Variants in C8orf34 observed in about 807,000 individuals in gnomAD.
C8orf34 encodes uncharacterized protein C8orf34.
Under a neutral mutation model 68.3 loss-of-function variants are expected in C8orf34, and 65 were observed. The ratio of observed to expected loss-of-function variants is 0.95; its 90% CI spans 0.78 to 1.17. C8orf34 has a LOEUF of 1.17. Among genes scored for constraint, C8orf34 ranks in the 50% most tolerant of loss-of-function variants. C8orf34 has a pLI of 0.00. For synonymous variants in C8orf34, 244 were observed against 241.2 expected (o/e 1.01, Z -0.11); for missense variants, 664 against 655.4 (o/e 1.01, Z -0.14).
chr8:68,407,267 T>G (rs1198442163), intron 1 of C8orf34, among the ~76,000 whole-genome samples: 2 of 151,926 alleles, frequency 1.3e-5, no homozygotes, highest in Admixed American at 1.3e-4. Context: ...TCAAGTAGAA[T>G]GTAAGGGAGA....
chr8:68,774,046 C>A (rs1223505902), intron 10 of C8orf34, among the ~76,000 whole-genome samples: 1 of 152,122 alleles, frequency 6.6e-6, no homozygotes, highest in African/African-American at 2.4e-5. Context: ...TCACTGTTAA[C>A]CCTCAAATGT....
At chr8:68,595,410 T>A (rs77893942) in intron 7 of C8orf34, among the ~76,000 whole-genome samples, 3,004 of 152,224 alleles carry the variant, frequency 0.02, 36 homozygotes, top group Non-Finnish European at 0.03. Context: ...TCTTCAAAAA[T>A]ATGTAAATAT....
At position 68,683,978 on chromosome 8, in the gene C8orf34, T is replaced by G. The variant is rs542809131; in HGVS notation, c.1242-25016T>G. ...AACTCTTCTCAAGATAGGCTCATGT[T>G]TTTAAACAGATTTTAAAACAAAAAA... On this transcript the variant is annotated intron_variant, in intron 8 of 13. Transcript: ENST00000518698. Among the ~76,000 whole-genome samples, 3 of 152,284 alleles carry G rather than the reference T, an allele frequency of 2.0e-5. No homozygotes were observed. The East Asian group carries it at 5.8e-4, about 29-fold the overall frequency.
At chr8:68,586,820 C>T (rs1817223247) in intron 7 of C8orf34, among the ~76,000 whole-genome samples, 1 of 152,070 alleles carries the variant, frequency 6.6e-6, no homozygotes, top group African/African-American at 2.4e-5. Context: ...AACATGCCAC[C>T]TAGATCAGGA....
At chr8:68,635,185 T>C (rs1010151479) in intron 7 of C8orf34, among the ~76,000 whole-genome samples, 2 of 152,232 alleles carry the variant, frequency 1.3e-5, no homozygotes, top group African/African-American at 4.8e-5. Flanking sequence ...TCATGTCTTA[T>C]TACCTTCTTT....
intron 4 of C8orf34, among the ~76,000 whole-genome samples, chr8:68,486,849 A>C (rs1813099333): frequency 6.6e-6 from 1 of 151,676 alleles, no homozygotes. Flanking sequence ...TCCTATTCTT[A>C]TTTTCTCCAA....
At chr8:68,668,693 C>G (rs528112845) in intron 8 of C8orf34, among the ~76,000 whole-genome samples, 3 of 152,222 alleles carry the variant, frequency 2.0e-5, no homozygotes, top group African/African-American at 7.2e-5. Context: ...TCCTAATGAG[C>G]CAGACTGAAT....
At chr8:68,613,383 G>A (rs1360145842) in intron 7 of C8orf34, among the ~76,000 whole-genome samples, 1 of 151,954 alleles carries the variant, frequency 6.6e-6, no homozygotes. Context: ...ATGCTGGTGT[G>A]TTGCACCAAT....
intron 3 of C8orf34, among the ~76,000 whole-genome samples, chr8:68,466,141 C>T (rs1001024007): frequency 6.6e-6 from 1 of 151,484 alleles, no homozygotes; most frequent in Non-Finnish European, 1.5e-5. Flanking sequence ...ACTAATATTG[C>T]ATGCCCTCAG....
intron 10 of C8orf34, among the ~76,000 whole-genome samples, chr8:68,739,506 T>A (rs914491480): frequency 6.6e-5 from 10 of 151,172 alleles, no homozygotes; most frequent in Non-Finnish European, 1.3e-4. Context: ...CAAAAAAAAA[T>A]AAAATACCTA....
chr8:68,435,369 G>T (rs537969813), intron 1 of C8orf34, among the ~76,000 whole-genome samples: 11 of 152,174 alleles, frequency 7.2e-5, no homozygotes, highest in East Asian at 1.9e-4. Flanking sequence ...GAGTTAGAAG[G>T]TTGGGCCACA....
intron 1 of C8orf34, among the ~76,000 whole-genome samples, chr8:68,346,211 TTC>T (rs1396301688): frequency 6.6e-6 from 1 of 152,130 alleles, no homozygotes; most frequent in African/African-American, 2.4e-5. Flanking sequence ...ATTAGAGACT[TTC>T]TGAGAATCCC....
intron 7 of C8orf34, among the ~76,000 whole-genome samples, chr8:68,566,515 T>G (rs2130222674): frequency 6.6e-6 from 1 of 152,346 alleles, no homozygotes; most frequent in Admixed American, 6.5e-5. Flanking sequence ...CTGCTTCACC[T>G]TGCACCTTTC....
chr8:68,752,331 G>A (rs1056401470), intron 10 of C8orf34, among the ~76,000 whole-genome samples: 1 of 152,148 alleles, frequency 6.6e-6, no homozygotes, highest in Non-Finnish European at 1.5e-5. Context: ...CCCCTGGCAT[G>A]ACTTATACTT....
At chr8:68,484,308 C>T (rs1256257893) in intron 4 of C8orf34, among the ~76,000 whole-genome samples, 1 of 152,224 alleles carries the variant, frequency 6.6e-6, no homozygotes, top group Non-Finnish European at 1.5e-5. Context: ...CAGTCACCTC[C>T]CACCAGCCCT....
chr8:68,742,567 C>T (rs1822334847), intron 10 of C8orf34, among the ~76,000 whole-genome samples: 1 of 152,198 alleles, frequency 6.6e-6, no homozygotes, highest in African/African-American at 2.4e-5. Flanking sequence ...AAATGTACTT[C>T]TTTGTCTTTT....
Position 68,666,344 on chromosome 8 carries a change from ATCATTG to A in C8orf34, c.1241+25839_1241+25844del, listed in dbSNP as rs146200407. Among the ~76,000 whole-genome samples, 588 of 152,336 alleles carry A rather than the reference ATCATTG, an allele frequency of 3.9e-3. 3 individuals are homozygous for A. The highest frequency in any genetic ancestry group is 0.013 in the African/African-American group (553 of 41,582). On this transcript the variant is annotated intron_variant, in intron 8 of 13. Coordinates refer to ENST00000518698, the MANE Select transcript of C8orf34 (RefSeq NM_052958.4). ...TAAGAAAGTACCCCATGTCTTTGTTATCATTGTCATTAACAAGCAGTGAGAATAAAT... is the reference window on the plus strand; with the variant it reads ...TAAGAAAGTACCCCATGTCTTTGTTATCATTAACAAGCAGTGAGAATAAAT...
chr8:68,818,298 T>C lies in C8orf34; in HGVS notation c.*52T>C, dbSNP rs776445405. 2.0e-5 allele frequency: 31 copies of C among 1,569,490 alleles called. No individual in the cohort carries two copies. The highest frequency in any genetic ancestry group is 2.5e-5 in the Non-Finnish European group (29 of 1,142,436). Reference sequence around the variant, plus strand: ...CCTTAAAGAAATGCAGTTATTCAAATCCTTATGTATAGTTCTAATTTTATT... The same window carrying C: ...CCTTAAAGAAATGCAGTTATTCAAACCCTTATGTATAGTTCTAATTTTATT... On this transcript the variant is annotated 3_prime_UTR_variant, in exon 14 of 14. Transcript: ENST00000518698.
intron 1 of C8orf34, among the ~76,000 whole-genome samples, chr8:68,347,574 C>G (rs1806335367): frequency 6.6e-6 from 1 of 151,680 alleles, no homozygotes; most frequent in Non-Finnish European, 1.5e-5. Flanking sequence ...AATTTACACT[C>G]CCAACAGTGT....
Sources: allele counts gnomAD v4.1 joint callset (sites outside exome capture counted in the v4.1 genomes callset), GRCh38; gene constraint gnomAD v4.1.1; transcripts MANE v1.5; gene names NCBI Gene and HGNC (gene_info 2026-07-23, HGNC 2026-07-21).